CLTCL1: variants seen among roughly 807,000 people sequenced by gnomAD.
CLTCL1 encodes the protein clathrin heavy chain like 1, also known as clathrin heavy chain 2.
CLTCL1 carries 159 observed loss-of-function variants against 190.0 expected under a neutral mutation model. The observed-to-expected ratio is 0.84, with a 90% CI of 0.74 to 0.95. The LOEUF (loss-of-function observed/expected upper bound fraction) is 0.95. Ranked by LOEUF, CLTCL1 falls within the 40% of genes least tolerant of loss-of-function variation. The pLI, the probability that CLTCL1 is intolerant of heterozygous loss-of-function variation, is 0.00. For missense variants in CLTCL1, 1,878 were observed against 2,033.4 expected, an observed-to-expected ratio of 0.92 and a Z score of 1.47; for synonymous variants, 752 against 769.6, an observed-to-expected ratio of 0.98 and a Z score of 0.38.
chr22:19,254,258 A>G (rs1402582604), intron 2 of CLTCL1, 31 bp from the exon 3 acceptor site: 1 of 1,560,442 alleles, frequency 6.4e-7, no homozygotes, highest in African/African-American at 1.4e-5. Context: ...GATTAGAGAA[A>G]GACAAATTAA....
At chr22:19,180,844 A>C (rs956582321) in intron 30 of CLTCL1, 38 bp from the exon 31 acceptor site, 1 of 1,588,206 alleles carries the variant, frequency 6.3e-7, no homozygotes, top group Admixed American at 1.7e-5. Context: ...CCCGCTTGAC[A>C]GAGTGCAGTC....
intron 26 of CLTCL1, among the ~76,000 whole-genome samples, chr22:19,192,063 C>CTTT (rs782761355): frequency 4.6e-4 from 54 of 118,286 alleles, no homozygotes; most frequent in Middle Eastern, 4.9e-3. Flanking sequence ...GCGATGTCAT[C>CTTT]TTTTTTTTTT....
At chr22:19,216,042 CAG>C in intron 19 of CLTCL1, 67 bp downstream of exon 19, 2 of 1,487,932 alleles carry the variant, frequency 1.3e-6, no homozygotes, top group South Asian at 2.4e-5. Context: ...GAGATTGTAA[CAG>C]AAGATGAGTA....
chr22:19,260,238 G>C (rs2086895990), intron 2 of CLTCL1, among the ~76,000 whole-genome samples: 1 of 152,180 alleles, frequency 6.6e-6, no homozygotes, highest in Non-Finnish European at 1.5e-5. Flanking sequence ...TTCTGATGCA[G>C]AAGCTGTGTC....
In CLTCL1 at chr22:19,193,645, C is replaced by T. The variant is rs369266286; in HGVS notation, c.4192-2210G>A. Among the ~76,000 whole-genome samples, 20 of 152,262 alleles carry T rather than the reference C, an allele frequency of 1.3e-4. No homozygotes were observed. In the South Asian group the frequency reaches 3.1e-3, roughly 24 times the overall value. On this transcript the variant is annotated intron_variant, in intron 26 of 32. Coordinates refer to ENST00000427926, the MANE Select transcript of CLTCL1 (RefSeq NM_007098.4). ...CAGCACTTTGGGAGGCCAAGGCAGGCGGATTGTGTCTGTAATTTATTCCTT... is the reference window on the plus strand; with the variant it reads ...CAGCACTTTGGGAGGCCAAGGCAGGTGGATTGTGTCTGTAATTTATTCCTT...
chr22:19,225,705 G>A, intron 12 of CLTCL1, 72 bp from the exon 13 acceptor site: 1 of 1,337,080 alleles, frequency 7.5e-7, no homozygotes, highest in Non-Finnish European at 1.0e-6. Context: ...AAAATAACTA[G>A]GTCATTCTCC....
intron 27 of CLTCL1, among the ~76,000 whole-genome samples, chr22:19,189,944 C>T (rs2084435779): frequency 6.6e-6 from 1 of 152,092 alleles, no homozygotes; most frequent in Admixed American, 6.6e-5. Context: ...TTTTGAAATG[C>T]ACAATAATTT....
At chr22:19,242,233 G>A (rs1450556701) in intron 4 of CLTCL1, among the ~76,000 whole-genome samples, 2 of 151,784 alleles carry the variant, frequency 1.3e-5, no homozygotes, top group Non-Finnish European at 2.9e-5. Flanking sequence ...GTGAGCTACC[G>A]CACCTGGCTG....
chr22:19,254,156 C>T lies in CLTCL1; in HGVS notation c.322G>A (p.Val108Met). The T allele has an allele frequency of 1.9e-6, 3 of 1,613,922 alleles. No homozygotes were observed. Among genetic ancestry groups the T allele is most frequent in the African/African-American group, 1.3e-5 (1 of 75,060 alleles). ...KMKAHTMAEE[V>M]IFWKWVSVNT... is the part of the protein sequence containing the mutation. The stretch of plus-strand genomic sequence containing the variant: ...ACAGAAACCCATTTCCAGAAAATCA[C>T]TTCTTCTGCCATAGTATGAGCCTTC... Residue 108 changes from valine to methionine, a missense_variant, in exon 3 of 33, where the codon GTG (valine) becomes ATG (methionine). Transcript: ENST00000427926.
At chr22:19,187,423 C>G (rs1311700112) in intron 29 of CLTCL1, 135 bp downstream of exon 29, 1 of 810,566 alleles carries the variant, frequency 1.2e-6, no homozygotes, top group Non-Finnish European at 1.9e-6. Context: ...ACTAATCCCC[C>G]CACCCACCAC....
chr22:19,225,190 A>T (rs148714448), intron 13 of CLTCL1, among the ~76,000 whole-genome samples: 313 of 152,302 alleles, frequency 2.1e-3, no homozygotes, highest in African/African-American at 7.2e-3. Flanking sequence ...TGCTGCGTAG[A>T]CACACCGGGC....
chr22:19,188,074 CA>C lies in CLTCL1; in HGVS notation c.4340del (p.Leu1447ArgfsTer2). ...SFFSKAGQLP[L>X]VKPYLRSVQS... ...GGACTGACCGCAGGTAAGGCTTCAC[CA>C]GGGGCAGCTGACCTGCCTGACAAGT... is the stretch of plus-strand genomic sequence containing the variant. On this transcript the variant is annotated frameshift_variant, in exon 28 of 33. Coordinates refer to ENST00000427926, the MANE Select transcript of CLTCL1 (RefSeq NM_007098.4). LOFTEE classifies it high-confidence loss of function. 1 of 1,614,038 alleles carries C rather than the reference CA, an allele frequency of 6.2e-7. No individual in the cohort carries two copies. Among genetic ancestry groups the C allele is most frequent in the Non-Finnish European group, 8.5e-7 (1 of 1,179,884 alleles).
At chr22:19,221,148 T>C (rs1555952014) in intron 17 of CLTCL1, among the ~76,000 whole-genome samples, 1 of 152,192 alleles carries the variant, frequency 6.6e-6, no homozygotes, top group East Asian at 1.9e-4. Flanking sequence ...GTAAGGACTG[T>C]AAGCAGAGGG....
At chr22:19,208,020 G>A (rs782327641) in intron 22 of CLTCL1, 134 bp downstream of exon 22, 13 of 1,017,708 alleles carry the variant, frequency 1.3e-5, no homozygotes, top group African/African-American at 4.8e-5. Context: ...AACCACCCCC[G>A]ACCTGTCTGT....
At chr22:19,258,104 A>C (rs779759317) in intron 2 of CLTCL1, 2 of 416,398 alleles carry the variant, frequency 4.8e-6, no homozygotes, top group Non-Finnish European at 9.3e-6. Flanking sequence ...CACCAGTGTC[A>C]CTGGGCTGTA....
chr22:19,257,969 A>C, intron 2 of CLTCL1: 2 of 689,570 alleles, frequency 2.9e-6, no homozygotes, highest in Non-Finnish European at 4.8e-6. Flanking sequence ...CAATGCCTTC[A>C]TCGTTCTGCA....
intron 3 of CLTCL1, among the ~76,000 whole-genome samples, chr22:19,247,859 C>A (rs1409734922): frequency 1.3e-5 from 2 of 151,964 alleles, no homozygotes; most frequent in Non-Finnish European, 2.9e-5. Context: ...CCGTGCCTGG[C>A]CCCCAAGGGT....
intron 2 of CLTCL1, among the ~76,000 whole-genome samples, chr22:19,265,537 T>C (rs1303186279): frequency 6.6e-6 from 1 of 151,942 alleles, no homozygotes; most frequent in Non-Finnish European, 1.5e-5. Flanking sequence ...ATATTTTATA[T>C]ATTCATATAT....
chr22:19,184,144 G>A (rs1221416536), intron 29 of CLTCL1: 6 of 269,496 alleles, frequency 2.2e-5, no homozygotes, highest in East Asian at 1.0e-4. Context: ...CAGTCCTGAA[G>A]AAGCCTGCAC....
Sources: allele counts gnomAD v4.1 joint callset (sites outside exome capture counted in the v4.1 genomes callset), GRCh38; gene constraint gnomAD v4.1.1; transcripts MANE v1.5; gene names NCBI Gene and HGNC (gene_info 2026-07-23, HGNC 2026-07-21).